The following FBLN7 variants were observed in gnomAD, a reference collection of about 807,000 sequenced individuals.
FBLN7 encodes the protein fibulin 7, also known as fibulin-7.
FBLN7 carries 31 observed loss-of-function variants against 44.0 expected under a neutral mutation model. That is an observed-to-expected ratio of 0.70 (90% CI 0.53 to 0.95). The LOEUF is 0.95. FBLN7 is among the 40% of genes least tolerant of loss of function. The probability of loss-of-function intolerance (pLI) is 0.00; values close to 1 mark genes in which losing one functional copy is unlikely to be tolerated. For synonymous variants in FBLN7, 262 were observed against 253.4 expected (o/e 1.03, Z -0.32); for missense variants, 573 against 618.5 (o/e 0.93, Z 0.78).
intron 1 of FBLN7, among the ~76,000 whole-genome samples, chr2:112,155,331 G>A (rs1681359277): frequency 6.6e-6 from 1 of 152,194 alleles, no homozygotes; most frequent in African/African-American, 2.4e-5. Context: ...TGACAGATGA[G>A]CATGGCATCC....
At chr2:112,176,850 T>C (rs1484432645) in intron 4 of FBLN7, 1 of 152,076 alleles carries the variant, frequency 6.6e-6, no homozygotes, top group African/African-American at 2.4e-5. Flanking sequence ...GAAAAAGAAA[T>C]GGGTTCCCTT....
chr2:112,221,099 A>C, the FBLN7 span, among the ~76,000 whole-genome samples: 1 of 152,208 alleles, frequency 6.6e-6, no homozygotes, highest in Admixed American at 6.5e-5. Flanking sequence ...GAAATGAGTC[A>C]TAGATTTGGT....
Position 112,138,650 on chromosome 2 carries a change from G to T in FBLN7, c.-6G>T. On this transcript the variant is annotated 5_prime_UTR_variant, in exon 1 of 8. Transcript: ENST00000331203. ...CCTCCCAGGCAGCGGGATTCCGACTGGCAAGATGGTGCCCAGCTCTCCGCG... is the reference window on the plus strand; with the variant it reads ...CCTCCCAGGCAGCGGGATTCCGACTTGCAAGATGGTGCCCAGCTCTCCGCG... 1.2e-6 allele frequency: 2 copies of T among 1,613,826 alleles called. No individual in the cohort carries two copies. Among genetic ancestry groups the T allele is most frequent in the Admixed American group, 1.7e-5 (1 of 60,014 alleles).
In FBLN7 at chr2:112,159,672, G is replaced by A. The variant is rs530677934; in HGVS notation, c.76-4G>A. On this transcript the variant is annotated splice_region_variant and splice_polypyrimidine_tract_variant and intron_variant, in intron 1 of 7. Transcript: ENST00000331203. ...GTGGTGGCGGCGATGTCTTCTCTCC[G>A]CAGAACTGTCTCAGCAAACAGCAGC... 19 of 1,541,816 alleles carry A rather than the reference G, an allele frequency of 1.2e-5. No homozygotes were observed. The African/African-American group carries it at 1.3e-4, about 10-fold the overall frequency.
At chr2:112,239,938 T>C in the FBLN7 span, among the ~76,000 whole-genome samples, 1 of 152,138 alleles carries the variant, frequency 6.6e-6, no homozygotes, top group East Asian at 1.9e-4. Flanking sequence ...CACCAGAGGA[T>C]TGATTATAAG....
intron 1 of FBLN7, among the ~76,000 whole-genome samples, chr2:112,146,676 G>A (rs893717098): frequency 2.0e-5 from 3 of 150,548 alleles, no homozygotes; most frequent in African/African-American, 4.9e-5. Context: ...TGTGGAACTC[G>A]ATCATTATTT....
chr2:112,206,423 G>A, the FBLN7 span, among the ~76,000 whole-genome samples: 1 of 151,996 alleles, frequency 6.6e-6, no homozygotes, highest in African/African-American at 2.4e-5. Context: ...CTCTACAGTT[G>A]TCTTCATTTC....
chr2:112,160,716 GCACGCGCACA>G (rs1558879774), intron 2 of FBLN7, among the ~76,000 whole-genome samples: 24 of 92,948 alleles, frequency 2.6e-4, no homozygotes, highest in African/African-American at 6.6e-4. Flanking sequence ...ACACACACAA[GCACGCGCACA>G]CGCACGCACA....
the FBLN7 span, among the ~76,000 whole-genome samples, chr2:112,209,724 A>C: frequency 5.9e-5 from 9 of 152,152 alleles, no homozygotes; most frequent in South Asian, 2.1e-4. Flanking sequence ...CCCAGGATGT[A>C]GGAACCCTAT....
At chr2:112,205,042 A>G in the FBLN7 span, among the ~76,000 whole-genome samples, 3 of 152,140 alleles carry the variant, frequency 2.0e-5, no homozygotes, top group Non-Finnish European at 4.4e-5. Context: ...AAAATAGTAC[A>G]AAAGAGGGAA....
chr2:112,221,733 A>T, the FBLN7 span, among the ~76,000 whole-genome samples: 2 of 152,030 alleles, frequency 1.3e-5, no homozygotes, highest in Admixed American at 1.3e-4. Flanking sequence ...GTTCTTTCTT[A>T]TAATGGTCAT....
At chr2:112,239,466 T>C in the FBLN7 span, among the ~76,000 whole-genome samples, 1 of 152,148 alleles carries the variant, frequency 6.6e-6, no homozygotes, top group Non-Finnish European at 1.5e-5. Context: ...GGGCCTGGTC[T>C]CTTATTTGCT....
the FBLN7 span, among the ~76,000 whole-genome samples, chr2:112,244,300 A>G: frequency 6.6e-6 from 1 of 152,182 alleles, no homozygotes; most frequent in Non-Finnish European, 1.5e-5. Flanking sequence ...ACTATCAACA[A>G]TGAGGTAAAT....
intron 2 of FBLN7, among the ~76,000 whole-genome samples, chr2:112,160,790 A>G (rs1434862495): frequency 7.0e-6 from 1 of 142,246 alleles, no homozygotes; most frequent in Non-Finnish European, 1.5e-5. Flanking sequence ...ACGCACGCAC[A>G]CGCACACACG....
At chr2:112,233,202 C>T in the FBLN7 span, 1 of 1,231,418 alleles carries the variant, frequency 8.1e-7, no homozygotes, top group Non-Finnish European at 1.1e-6. Flanking sequence ...AAATTTTGCA[C>T]ATTTAAAATG....
At chr2:112,186,282 C>T (rs954592691) in intron 7 of FBLN7, among the ~76,000 whole-genome samples, 4 of 152,030 alleles carry the variant, frequency 2.6e-5, no homozygotes, top group African/African-American at 7.2e-5. Flanking sequence ...AGAGAAATAT[C>T]GAAAGCATTT....
intron 7 of FBLN7, among the ~76,000 whole-genome samples, chr2:112,186,722 G>A (rs1683286663): frequency 1.3e-5 from 2 of 152,228 alleles, no homozygotes; most frequent in African/African-American, 2.4e-5. Flanking sequence ...ACAGGATGTT[G>A]CTGGCTAACT....
chr2:112,194,085 A>G, the FBLN7 span, among the ~76,000 whole-genome samples: 1 of 152,146 alleles, frequency 6.6e-6, no homozygotes, highest in Non-Finnish European at 1.5e-5. Flanking sequence ...CTCAGCTGGG[A>G]AGACTCCATG....
chr2:112,217,014 G>A, the FBLN7 span, among the ~76,000 whole-genome samples: 582 of 152,262 alleles, frequency 3.8e-3, 7 homozygotes, highest in African/African-American at 0.013. Context: ...GGTTGAGCCC[G>A]CAGAGCAAAA....
Sources: gnomAD v4.1 joint callset for allele counts (sites outside exome capture counted in the v4.1 genomes callset) on GRCh38, gnomAD v4.1.1 for gene constraint, MANE v1.5 for transcripts, NCBI Gene and HGNC (gene_info 2026-07-23, HGNC 2026-07-21) for gene names.